The following TDRD3 variants were observed in gnomAD, a reference collection of about 807,000 sequenced individuals.
The protein encoded by TDRD3 is tudor domain-containing protein 3.
TDRD3 carries 45 observed loss-of-function variants against 86.7 expected under a neutral mutation model. That is an observed-to-expected ratio of 0.52 (90% CI 0.41 to 0.67). The LOEUF is 0.67. TDRD3 is among the 30% of genes least tolerant of loss of function. TDRD3 has a pLI of 0.00. For synonymous variants in TDRD3, 298 were observed against 301.7 expected, an observed-to-expected ratio of 0.99 and a Z score of 0.13; for missense variants, 814 against 889.0, an observed-to-expected ratio of 0.92 and a Z score of 1.07.
intron 12 of TDRD3, among the ~76,000 whole-genome samples, chr13:60,545,695 GGAAATCAT>G (rs1454453436): frequency 6.6e-6 from 1 of 151,818 alleles, no homozygotes; most frequent in Admixed American, 6.6e-5. Context: ...ATTATTATTA[GGAAATCAT>G]GAATTTGACC....
intron 12 of TDRD3, among the ~76,000 whole-genome samples, chr13:60,557,917 G>A (rs1451052864): frequency 9.0e-5 from 13 of 143,728 alleles, no homozygotes; most frequent in African/African-American, 3.4e-4. Flanking sequence ...CCACCTCCCG[G>A]GTTCAAGTGA....
chr13:60,567,619 A>C lies in TDRD3; in HGVS notation c.2213A>C (p.Gln738Pro). 6.2e-7 allele frequency: 1 copy of C among 1,614,182 alleles called. No individual in the cohort carries two copies. The highest frequency in any genetic ancestry group is 1.1e-5 in the South Asian group (1 of 91,074). The change falls in exon 13 of 14, where the codon CAA (glutamine) becomes CCA (proline). Residue 738 changes from glutamine to proline, a missense_variant. By Grantham distance (76) the Gln-to-Pro change is moderately conservative. Coordinates refer to ENST00000377881, the MANE Select transcript of TDRD3 (RefSeq NM_001146070.2). ...ACTCGGCCAACCCAACAGTTTTACC[A>C]ACCACCCCGGGCTCGGAACTAATAG... ...RSTRPTQQFY[Q>P]PPRARN
At chr13:60,501,632 T>C (rs566686012) in intron 8 of TDRD3, among the ~76,000 whole-genome samples, 2 of 152,328 alleles carry the variant, frequency 1.3e-5, no homozygotes, top group South Asian at 4.1e-4. Flanking sequence ...AAAGATTCTT[T>C]TTAGGACAAG....
At chr13:60,401,738 C>T (rs921463509) in intron 1 of TDRD3, among the ~76,000 whole-genome samples, 1 of 152,184 alleles carries the variant, frequency 6.6e-6, no homozygotes, top group African/African-American at 2.4e-5. Context: ...AGGTCTCCTT[C>T]TTACCTCTTG....
intron 1 of TDRD3, among the ~76,000 whole-genome samples, chr13:60,399,807 A>C (rs1010333847): frequency 6.6e-6 from 1 of 152,228 alleles, no homozygotes; most frequent in Non-Finnish European, 1.5e-5. Context: ...CTAAAATAGC[A>C]GATTAGGGAA....
chr13:60,408,554 G>C (rs113106161), intron 1 of TDRD3, among the ~76,000 whole-genome samples: 51 of 152,298 alleles, frequency 3.3e-4, no homozygotes, highest in African/African-American at 1.2e-3. Flanking sequence ...TGAGGAACTT[G>C]TTGGGAACTG....
At chr13:60,414,905 G>GT (rs1008514181) in intron 1 of TDRD3, among the ~76,000 whole-genome samples, 2 of 149,662 alleles carry the variant, frequency 1.3e-5, no homozygotes, top group Non-Finnish European at 3.0e-5. Flanking sequence ...TTCTGTTTTT[G>GT]TTTTTAAAAA....
chr13:60,498,631 G>C (rs1956766849), intron 8 of TDRD3, among the ~76,000 whole-genome samples: 1 of 152,128 alleles, frequency 6.6e-6, no homozygotes, highest in Admixed American at 6.5e-5. Flanking sequence ...TTTTCAGCCA[G>C]TTTACAGACC....
chr13:60,496,319 ATATATATATATATATATATATATATC>A (rs1566243703), intron 8 of TDRD3, among the ~76,000 whole-genome samples: 1 of 80,666 alleles, frequency 1.2e-5, no homozygotes. Context: ...ATATATATAT[ATATATATATATATATATATATATATC>A]CTCTAAAGTT....
At chr13:60,462,892 A>G (rs1955831341) in intron 4 of TDRD3, among the ~76,000 whole-genome samples, 1 of 152,198 alleles carries the variant, frequency 6.6e-6, no homozygotes, top group African/African-American at 2.4e-5. Flanking sequence ...AGTAACCAAA[A>G]CAGCATGGTA....
At position 60,516,132 on chromosome 13, in the gene TDRD3, A is replaced by G. The variant is rs114861278; in HGVS notation, c.1141+5377A>G. 7.9e-3 allele frequency among the ~76,000 whole-genome samples: 1,196 copies of G among 152,302 alleles called. 16 individuals are homozygous for G. Among genetic ancestry groups the G allele is most frequent in the African/African-American group, 0.027 (1,134 of 41,570 alleles). Reference sequence around the variant, plus strand: ...AGGGTTTAAAAAGTTTGTTTTTCTAATACAGTTGCATAATCAAACCTTTCT... The same window carrying G: ...AGGGTTTAAAAAGTTTGTTTTTCTAGTACAGTTGCATAATCAAACCTTTCT... On this transcript the variant is annotated intron_variant, in intron 10 of 13. Coordinates refer to ENST00000377881, the MANE Select transcript of TDRD3 (RefSeq NM_001146070.2).
intron 2 of TDRD3, among the ~76,000 whole-genome samples, chr13:60,442,388 T>C (rs1339962673): frequency 6.6e-6 from 1 of 152,016 alleles, no homozygotes; most frequent in Non-Finnish European, 1.5e-5. Context: ...TGTGTGTGTG[T>C]GTGTATTTAT....
rs554925336 is a variant in TDRD3, at chr13:60,416,201, T to G, written c.41+18796T>G. ...ACTGACTCTTTTCAATAATTAAGGT[T>G]TCTCTAAGTGTAAAGTGTAAAGATT... On this transcript the variant is annotated intron_variant, in intron 1 of 13. Coordinates refer to ENST00000377881, the MANE Select transcript of TDRD3 (RefSeq NM_001146070.2). Among the ~76,000 whole-genome samples the G allele has an allele frequency of 1.2e-3, 176 of 152,322 alleles. 1 individual carries two copies. Among genetic ancestry groups the G allele is most frequent in the Non-Finnish European group, 2.2e-3 (150 of 68,020 alleles).
At chr13:60,517,953 C>T (rs1957209719) in intron 10 of TDRD3, among the ~76,000 whole-genome samples, 1 of 152,152 alleles carries the variant, frequency 6.6e-6, no homozygotes, top group African/African-American at 2.4e-5. Context: ...AAACCAGAAC[C>T]TGCAGCTAAA....
At chr13:60,519,675 G>A (rs2137717102) in intron 10 of TDRD3, among the ~76,000 whole-genome samples, 1 of 152,240 alleles carries the variant, frequency 6.6e-6, no homozygotes, top group Non-Finnish European at 1.5e-5. Context: ...AGGTTTAAGA[G>A]GGAGGTTAAT....
chr13:60,541,376 A>G (rs1205758927), intron 12 of TDRD3, among the ~76,000 whole-genome samples: 1 of 152,130 alleles, frequency 6.6e-6, no homozygotes, highest in African/African-American at 2.4e-5. Flanking sequence ...CATGTTGGCC[A>G]GGCTGGTCTT....
chr13:60,410,071 T>C (rs185462937), intron 1 of TDRD3, among the ~76,000 whole-genome samples: 121 of 152,276 alleles, frequency 7.9e-4, no homozygotes, highest in Non-Finnish European at 1.3e-3. Flanking sequence ...GTTTCTGCTT[T>C]TGCTTCGTCC....
chr13:60,494,504 A>T lies in TDRD3; in HGVS notation c.787A>T (p.Asn263Tyr). Residue 263 changes from asparagine (N) to tyrosine (Y), a missense_variant, in exon 8 of 14, where the codon AAT becomes TAT. Asn to Tyr is a moderately radical substitution (Grantham distance 143, BLOSUM62 -2). Transcript: ENST00000377881. ...CAATATGAATGCTGCTGGTAACCGA[A>T]ATAGGGAAGTTTTACAGAAAGAAAA... is the stretch of plus-strand genomic sequence containing the variant. Reference protein sequence around the residue: ...NLNMNAAGNRNREVLQKEKST... With the variant: ...NLNMNAAGNRYREVLQKEKST... The T allele has an allele frequency of 6.2e-7, 1 of 1,613,808 alleles. No individual in the cohort carries two copies. The highest frequency in any genetic ancestry group is 8.5e-7 in the Non-Finnish European group (1 of 1,179,844).
chr13:60,509,970 A>G lies in TDRD3; in HGVS notation c.1015+51A>G, dbSNP rs368762550. 5 of 1,580,434 alleles carry G rather than the reference A, an allele frequency of 3.2e-6. No individual in the cohort carries two copies. In the African/African-American group the frequency reaches 6.8e-5, roughly 21 times the overall value. On this transcript the variant is annotated intron_variant, in intron 9 of 13. Coordinates refer to ENST00000377881, the MANE Select transcript of TDRD3 (RefSeq NM_001146070.2). ...GATAGTATTGTTTGCTTTTCAGAGT[A>G]ATATATGTTATTGACAGAGGCTGTT...
Sources: allele counts gnomAD v4.1 joint callset (sites outside exome capture counted in the v4.1 genomes callset), GRCh38; gene constraint gnomAD v4.1.1; transcripts MANE v1.5; gene names NCBI Gene and HGNC (gene_info 2026-07-23, HGNC 2026-07-21).